The following TMEM207 variants were observed in gnomAD, a reference collection of about 807,000 sequenced individuals.
TMEM207 encodes SRSR846.
TMEM207 carries 15 observed loss-of-function variants against 17.4 expected under a neutral mutation model. The observed-to-expected ratio is 0.86, with a 90% CI of 0.58 to 1.33. The LOEUF is 1.33. Ranked by LOEUF, TMEM207 falls within the 40% of genes most tolerant of loss-of-function variation. TMEM207 has a pLI of 0.00. For missense variants in TMEM207, 205 were observed against 173.8 expected, an observed-to-expected ratio of 1.18 and a Z score of -1.01; for synonymous variants, 70 against 65.6, an observed-to-expected ratio of 1.07 and a Z score of -0.33.
intron 2 of TMEM207, among the ~76,000 whole-genome samples, chr3:190,442,337 A>G (rs1036040877): frequency 5.3e-5 from 8 of 152,322 alleles, no homozygotes; most frequent in African/African-American, 1.4e-4. Flanking sequence ...CACTATACTT[A>G]ATCATATCTT....
chr3:190,447,752 G>C (rs1277543436), intron 2 of TMEM207, 38 bp downstream of exon 2: 2 of 1,601,852 alleles, frequency 1.2e-6, no homozygotes, highest in South Asian at 1.1e-5. Flanking sequence ...TTTTTTAAAT[G>C]CGAAATAAAA....
At chr3:190,445,938 C>A (rs566086069) in intron 2 of TMEM207, among the ~76,000 whole-genome samples, 1 of 152,268 alleles carries the variant, frequency 6.6e-6, no homozygotes, top group South Asian at 2.1e-4. Context: ...AGCTAATCAG[C>A]ACCTCCTCCA....
At chr3:190,444,931 G>C (rs1720012450) in intron 2 of TMEM207, among the ~76,000 whole-genome samples, 1 of 152,170 alleles carries the variant, frequency 6.6e-6, no homozygotes, top group Non-Finnish European at 1.5e-5. Flanking sequence ...TTGAGGGATG[G>C]ATGAGTCACA....
chr3:190,433,767 T>C (rs1279012317), intron 4 of TMEM207, among the ~76,000 whole-genome samples: 1 of 151,828 alleles, frequency 6.6e-6, no homozygotes, highest in Non-Finnish European at 1.5e-5. Flanking sequence ...CAGTGTTGAA[T>C]TGTAATCCCC....
Position 190,440,276 on chromosome 3 carries a change from A to T in TMEM207, c.272T>A (p.Val91Asp), listed in dbSNP as rs1368942814. 6.2e-7 allele frequency: 1 copy of T among 1,613,986 alleles called. No homozygotes were observed. Among genetic ancestry groups the T allele is most frequent in the Non-Finnish European group, 8.5e-7 (1 of 1,179,964 alleles). The change falls in exon 4 of 5, where the codon GTT becomes GAT. Residue 91 changes from valine (V) to aspartate (D), a missense_variant. Coordinates refer to ENST00000354905, the MANE Select transcript of TMEM207 (RefSeq NM_207316.3). ...AGAGTCCAAGTCTCCAACAGCAAAA[A>T]CTGCCATGGTGCGCCTGTGAGAATC... is the stretch of plus-strand genomic sequence containing the variant. ...RIDSHRRTMA[V>D]FAVGDLDSIY... is the part of the protein sequence containing the mutation.
At chr3:190,433,797 G>A (rs958384571) in intron 4 of TMEM207, among the ~76,000 whole-genome samples, 5 of 152,052 alleles carry the variant, frequency 3.3e-5, no homozygotes, top group Admixed American at 1.3e-4. Context: ...GACGGGGCCC[G>A]GTGGGAGTTG....
At chr3:190,441,186 TAAC>T (rs1436736340) in intron 3 of TMEM207, among the ~76,000 whole-genome samples, 5 of 152,156 alleles carry the variant, frequency 3.3e-5, no homozygotes. Flanking sequence ...TCAAGACAAA[TAAC>T]AATTATTTTG....
intron 4 of TMEM207, among the ~76,000 whole-genome samples, chr3:190,431,395 T>A (rs529810799): frequency 6.6e-6 from 1 of 152,212 alleles, no homozygotes; most frequent in South Asian, 2.1e-4. Context: ...ATGCATCTAC[T>A]TTTATTTACA....
chr3:190,438,024 C>T (rs1287182723), intron 4 of TMEM207, among the ~76,000 whole-genome samples: 4 of 145,392 alleles, frequency 2.8e-5, no homozygotes, highest in African/African-American at 1.0e-4. Flanking sequence ...CGTGTGTTCT[C>T]ACTCATAGGT....
chr3:190,445,770 C>T (rs1238144994), intron 2 of TMEM207, among the ~76,000 whole-genome samples: 1 of 152,212 alleles, frequency 6.6e-6, no homozygotes, highest in East Asian at 1.9e-4. Context: ...AGGTGATCCA[C>T]CCACTTTGGC....
intron 4 of TMEM207, among the ~76,000 whole-genome samples, chr3:190,439,365 C>A (rs539203374): frequency 3.9e-5 from 6 of 151,928 alleles, no homozygotes; most frequent in South Asian, 2.1e-4. Context: ...TGTTAGTTTT[C>A]CCCAGGGCAC....
At chr3:190,440,938 G>A (rs886468797) in intron 3 of TMEM207, among the ~76,000 whole-genome samples, 6 of 152,150 alleles carry the variant, frequency 3.9e-5, no homozygotes, top group African/African-American at 1.2e-4. Context: ...GCGTGATGGC[G>A]GGCGCCTGTA....
At chr3:190,448,068 A>G (rs1720088810) in intron 1 of TMEM207, among the ~76,000 whole-genome samples, 1 of 152,168 alleles carries the variant, frequency 6.6e-6, no homozygotes. Flanking sequence ...TCTACATACC[A>G]ATATAAATGG....
chr3:190,441,577 T>G (rs1299113933), intron 2 of TMEM207, 95 bp from the exon 3 acceptor site: 8 of 949,172 alleles, frequency 8.4e-6, no homozygotes, highest in Admixed American at 2.2e-5. Context: ...CACTTGTTTC[T>G]CCAGAACAGT....
At chr3:190,432,138 G>C (rs1409386846) in intron 4 of TMEM207, among the ~76,000 whole-genome samples, 3 of 152,152 alleles carry the variant, frequency 2.0e-5, no homozygotes, top group South Asian at 2.1e-4. Flanking sequence ...AGAGTTTACT[G>C]TTTAATTTTG....
intron 2 of TMEM207, 85 bp downstream of exon 2, chr3:190,447,705 C>A (rs1208302818): frequency 5.7e-6 from 8 of 1,403,764 alleles, no homozygotes; most frequent in Non-Finnish European, 7.9e-6. Flanking sequence ...CTCAACTGGG[C>A]TTTTTCTAAT....
At chr3:190,447,880 T>A in intron 1 of TMEM207, 53 bp from the exon 2 acceptor site, 2 of 1,536,324 alleles carry the variant, frequency 1.3e-6, no homozygotes, top group Non-Finnish European at 1.8e-6. Flanking sequence ...AGTCTAATCC[T>A]TTAATACAAG....
At chr3:190,444,363 C>T in intron 2 of TMEM207, 1 of 960,612 alleles carries the variant, frequency 1.0e-6, no homozygotes, top group Non-Finnish European at 1.2e-6. Context: ...GCTCTGTCTG[C>T]AGAGTTCATG....
At chr3:190,448,227 T>C (rs186937012) in intron 1 of TMEM207, among the ~76,000 whole-genome samples, 13 of 152,070 alleles carry the variant, frequency 8.5e-5, no homozygotes, top group African/African-American at 3.1e-4. Flanking sequence ...AAAAAACAAG[T>C]TCCAAGTACA....
Sources: allele counts gnomAD v4.1 joint callset (sites outside exome capture counted in the v4.1 genomes callset), GRCh38; gene constraint gnomAD v4.1.1; transcripts MANE v1.5; gene names NCBI Gene and HGNC (gene_info 2026-07-23, HGNC 2026-07-21).